DCHS2: variants seen among roughly 807,000 people sequenced by gnomAD.
The protein encoded by DCHS2 is dachsous cadherin-related 2, also known as protocadherin-23.
Under a neutral mutation model 182.4 loss-of-function variants are expected in DCHS2, and 142 were observed. The ratio of observed to expected loss-of-function variants is 0.78; its 90% confidence interval spans 0.68 to 0.89. DCHS2 has a LOEUF of 0.89. DCHS2 is among the 40% of genes least tolerant of loss of function. The pLI, the probability that DCHS2 is intolerant of heterozygous loss-of-function variation, is 0.00. For synonymous variants in DCHS2, 1,740 were observed against 1,663.3 expected (o/e 1.05, Z -1.12); for missense variants, 4,319 against 4,198.6 (o/e 1.03, Z -0.79).
rs554662680 is a variant in DCHS2, at chr4:154,385,178, G to GT, written c.2053-7735dup. 1.6e-3 allele frequency among the ~76,000 whole-genome samples: 245 copies of GT among 149,514 alleles called. 2 individuals carry two copies. The highest frequency in any genetic ancestry group is 6.0e-3 in the African/African-American group (242 of 40,628). On this transcript the variant is annotated intron_variant, in intron 1 of 19. Coordinates refer to ENST00000357232, the MANE Select transcript of DCHS2 (RefSeq NM_001358235.2). The stretch of plus-strand genomic sequence containing the variant: ...TATGAGTGAGAACATGCGGCGTTTG[G>GT]TTTTTTGTCCTTGCAATAGTTTGCT...
chr4:154,470,280 T>A (rs1486378634), intron 1 of DCHS2, among the ~76,000 whole-genome samples: 22 of 152,096 alleles, frequency 1.4e-4, no homozygotes, highest in Admixed American at 1.4e-3. Flanking sequence ...ATTGAGGAGT[T>A]TGAGGCTAGC....
intron 3 of DCHS2, among the ~76,000 whole-genome samples, chr4:154,339,157 CA>C (rs996979544): frequency 8.6e-5 from 13 of 150,668 alleles, no homozygotes; most frequent in African/African-American, 3.2e-4. Context: ...AGATTCTAGT[CA>C]GGGTCTGATG....
intron 1 of DCHS2, among the ~76,000 whole-genome samples, chr4:154,388,759 G>T (rs1579037051): frequency 6.6e-6 from 1 of 152,090 alleles, no homozygotes; most frequent in African/African-American, 2.4e-5. Context: ...CTCCCAAAGT[G>T]CTGGGATTAC....
At chr4:154,447,426 G>A (rs1213621736) in intron 1 of DCHS2, among the ~76,000 whole-genome samples, 1 of 152,156 alleles carries the variant, frequency 6.6e-6, no homozygotes, top group East Asian at 1.9e-4. Flanking sequence ...CAAATAAATA[G>A]TATGTGGATG....
At position 154,239,225 on chromosome 4, in the gene DCHS2, G is replaced by A. The variant is rs199613795; in HGVS notation, c.7437C>T (p.Asn2479=). ...AAGAGGATAGAATTCTGTAAGAAAT[G>A]TTCTCATTGCTTTCTAAGTCTGTGG... ...LSATDLESNE[N]ISYRILSSSK... Residue 2479 remains asparagine, a synonymous_variant, in exon 19 of 20, where the codon AAC becomes AAT. Coordinates refer to ENST00000357232, the MANE Select transcript of DCHS2 (RefSeq NM_001358235.2). 147 of 1,613,332 alleles carry A rather than the reference G, an allele frequency of 9.1e-5. No individual in the cohort carries two copies. The highest frequency in any genetic ancestry group is 1.2e-4 in the Non-Finnish European group (136 of 1,179,714).
At chr4:154,424,150 C>T (rs1733226371) in intron 1 of DCHS2, among the ~76,000 whole-genome samples, 1 of 151,752 alleles carries the variant, frequency 6.6e-6, no homozygotes, top group Non-Finnish European at 1.5e-5. Context: ...CTTATGTGCA[C>T]AAACAACAAA....
chr4:154,278,041 AC>A (rs113656500), intron 13 of DCHS2, among the ~76,000 whole-genome samples: 125,376 of 135,528 alleles, frequency 0.93, 58,024 homozygotes, highest in East Asian at 0.98. Context: ...ACTCCATCAC[AC>A]ACACAAAAAA....
At chr4:154,266,023 T>C (rs1385116837) in intron 14 of DCHS2, among the ~76,000 whole-genome samples, 1 of 152,234 alleles carries the variant, frequency 6.6e-6, no homozygotes, top group African/African-American at 2.4e-5. Flanking sequence ...TGAACAATTA[T>C]ACTGTAGTAA....
In DCHS2 at chr4:154,287,352, G is replaced by A. The variant is rs551203232; in HGVS notation, c.6463+10499C>T. On this transcript the variant is annotated intron_variant, in intron 13 of 19. Transcript: ENST00000357232. Reference sequence around the variant, plus strand: ...GGTGTGTAAACTATTCTTGTTCTAAGTAGAAAGACTAAACAATGAACCAAC... The same window carrying A: ...GGTGTGTAAACTATTCTTGTTCTAAATAGAAAGACTAAACAATGAACCAAC... Among the ~76,000 whole-genome samples the A allele has an allele frequency of 3.3e-5, 5 of 152,240 alleles. No homozygotes were observed. The South Asian group carries it at 1.0e-3, about 32-fold the overall frequency.
chr4:154,490,332 C>T lies in DCHS2; in HGVS notation c.1024G>A (p.Gly342Arg), dbSNP rs1330212988. Residue 342 changes from glycine to arginine, a missense_variant, in exon 1 of 20, where the codon GGG (glycine) becomes AGG (arginine). Coordinates refer to ENST00000357232, the MANE Select transcript of DCHS2 (RefSeq NM_001358235.2). ...RYSVRARQVP[G>R]AGSGGGALGD... ...AGTGCCCCGCCGCCGCTACCCGCCC[C>T]AGGCACTTGCCGGGCGCGGACGCTG... 6.5e-7 allele frequency: 1 copy of T among 1,542,992 alleles called. No homozygotes were observed. The highest frequency in any genetic ancestry group is 1.2e-5 in the South Asian group (1 of 83,944).
intron 13 of DCHS2, among the ~76,000 whole-genome samples, chr4:154,273,935 G>A (rs1013783500): frequency 5.9e-5 from 9 of 152,134 alleles, no homozygotes; most frequent in African/African-American, 1.9e-4. Flanking sequence ...CAGAGGCCAT[G>A]TATAAGACAG....
At chr4:154,437,686 C>T (rs977156974) in intron 1 of DCHS2, among the ~76,000 whole-genome samples, 1 of 152,120 alleles carries the variant, frequency 6.6e-6, no homozygotes, top group East Asian at 1.9e-4. Flanking sequence ...ATCTGGCTTA[C>T]TTTGTTCTTC....
chr4:154,328,792 A>G (rs1182558548), intron 6 of DCHS2, among the ~76,000 whole-genome samples: 1 of 152,208 alleles, frequency 6.6e-6, no homozygotes, highest in Non-Finnish European at 1.5e-5. Context: ...AGCTGGATTC[A>G]GATCAGTTTA....
At chr4:154,364,893 T>C (rs185311811) in intron 3 of DCHS2, among the ~76,000 whole-genome samples, 61 of 152,132 alleles carry the variant, frequency 4.0e-4, no homozygotes, top group Admixed American at 3.7e-3. Context: ...GGTGGAAAAA[T>C]GCAAAAGAAA....
At chr4:154,290,447 T>G (rs908918601) in intron 13 of DCHS2, among the ~76,000 whole-genome samples, 8 of 151,950 alleles carry the variant, frequency 5.3e-5, no homozygotes, top group Non-Finnish European at 1.2e-4. Flanking sequence ...AATCTAAAAT[T>G]TATATGAAAT....
chr4:154,399,154 C>T (rs1732054066), intron 1 of DCHS2, among the ~76,000 whole-genome samples: 1 of 152,206 alleles, frequency 6.6e-6, no homozygotes, highest in South Asian at 2.1e-4. Flanking sequence ...AAATGCTAGA[C>T]TGTCATGCCT....
Position 154,237,057 on chromosome 4 carries a change from A to G in DCHS2, c.7595T>C (p.Leu2532Pro). Residue 2532 changes from leucine to proline, a missense_variant, in exon 20 of 20, where the codon CTT becomes CCT. Transcript: ENST00000357232. Reference protein sequence around the residue: ...SDGGNPDLRALTLVEIGIEDM... With the variant: ...SDGGNPDLRAPTLVEIGIEDM... ...TTCTATTCCTATCTCCACTAAAGTA[A>G]GAGCTCTCAGGTCAGGATTTCCACC... 1.9e-6 allele frequency: 3 copies of G among 1,613,972 alleles called. No individual in the cohort carries two copies. The highest frequency in any genetic ancestry group is 2.5e-6 in the Non-Finnish European group (3 of 1,179,904).
chr4:154,322,412 A>C lies in DCHS2; in HGVS notation c.4095T>G (p.Tyr1365Ter), dbSNP rs758831224. 96 of 1,613,684 alleles carry C rather than the reference A, an allele frequency of 5.9e-5. No homozygotes were observed. Among genetic ancestry groups the C allele is most frequent in the Non-Finnish European group, 8.1e-5 (95 of 1,179,844 alleles). ...IRTTTILSYD[Y>*]RPSYRMSVIA... ...TGACACTCATTCTGTAGGAAGGTCTATAATCATACGAAAGTATTGTGGTTG... is the reference window on the plus strand; with the variant it reads ...TGACACTCATTCTGTAGGAAGGTCTCTAATCATACGAAAGTATTGTGGTTG... The change falls in exon 8 of 20, where the codon TAT becomes TAG. Residue 1365 changes from tyrosine (Y) to a stop codon, truncating the protein, a stop_gained. Coordinates refer to ENST00000357232, the MANE Select transcript of DCHS2 (RefSeq NM_001358235.2). LOFTEE classifies it high-confidence loss of function.
chr4:154,396,594 A>C (rs928295399), intron 1 of DCHS2, among the ~76,000 whole-genome samples: 1 of 152,172 alleles, frequency 6.6e-6, no homozygotes, highest in Non-Finnish European at 1.5e-5. Flanking sequence ...TCAAAGTTTC[A>C]ACGGTGTCTC....
Sources: allele counts gnomAD v4.1 joint callset (sites outside exome capture counted in the v4.1 genomes callset), GRCh38; gene constraint gnomAD v4.1.1; transcripts MANE v1.5; gene names NCBI Gene and HGNC (gene_info 2026-07-23, HGNC 2026-07-21).